Variants in MROH2B observed in about 807,000 individuals in gnomAD.
The protein encoded by MROH2B is maestro heat like repeat family member 2B.
In MROH2B, 177 loss-of-function variants were observed where a neutral mutation model predicts 208.6. The ratio of observed to expected loss-of-function variants is 0.85; its 90% confidence interval spans 0.75 to 0.96. MROH2B has a LOEUF of 0.96. Ranked by LOEUF, MROH2B falls within the 40% of genes least tolerant of loss-of-function variation. The probability of loss-of-function intolerance (pLI) is 0.00; values close to 1 mark genes in which losing one functional copy is unlikely to be tolerated. For synonymous variants in MROH2B, 728 were observed against 659.0 expected, an observed-to-expected ratio of 1.10 and a Z score of -1.60; for missense variants, 2,002 against 1,878.7, an observed-to-expected ratio of 1.07 and a Z score of -1.21.
intron 10 of MROH2B, among the ~76,000 whole-genome samples, chr5:41,055,278 CA>C (rs1356381802): frequency 3.3e-5 from 5 of 152,100 alleles, no homozygotes; most frequent in South Asian, 4.2e-4. Flanking sequence ...CATATTGCAC[CA>C]AAAAATAGTG....
intron 24 of MROH2B, among the ~76,000 whole-genome samples, chr5:41,026,817 A>G (rs778288799): frequency 3.0e-4 from 46 of 152,212 alleles, no homozygotes; most frequent in Non-Finnish European, 5.6e-4. Context: ...CCAAAACAGC[A>G]TGGTACTCAT....
intron 33 of MROH2B, 53 bp from the exon 34 acceptor site, chr5:41,007,507 CA>C: frequency 7.3e-7 from 1 of 1,376,114 alleles, no homozygotes; most frequent in Non-Finnish European, 9.5e-7. Flanking sequence ...TAGGGAATTG[CA>C]AATTCCCAAG....
At chr5:41,005,425 C>CCCCCCCT (rs58129703) in intron 35 of MROH2B, 106 bp downstream of exon 35, 46 of 216,678 alleles carry the variant, frequency 2.1e-4, no homozygotes, top group South Asian at 2.3e-4. Flanking sequence ...CCCCCCCCCC[C>CCCCCCCT]TTGAAGTCTC....
Position 41,033,122 on chromosome 5 carries a change from A to G in MROH2B, c.2280T>C (p.Thr760=), listed in dbSNP as rs772726012. Residue 760 remains threonine (T), a synonymous_variant, in exon 23 of 42, where the codon ACT becomes ACC. Coordinates refer to ENST00000399564, the MANE Select transcript of MROH2B (RefSeq NM_173489.5). ...CATCTTGGACAGCAATGCCAATCTC[A>G]GTGATGCTTCTTGTGAAACTCATTT... ...DLQMSFTRSI[T]EIGIAVQDAE... The G allele has an allele frequency of 1.3e-5, 21 of 1,612,946 alleles. No individual in the cohort carries two copies. Among genetic ancestry groups the G allele is most frequent in the Non-Finnish European group, 1.8e-5 (21 of 1,179,188 alleles).
intron 37 of MROH2B, among the ~76,000 whole-genome samples, chr5:41,002,023 A>T (rs1741413748): frequency 6.6e-6 from 1 of 152,180 alleles, no homozygotes; most frequent in African/African-American, 2.4e-5. Context: ...CTCAGATGTG[A>T]CTTTGTATAA....
chr5:41,004,295 T>C (rs1579899477), intron 37 of MROH2B, 51 bp downstream of exon 37: 1 of 1,581,234 alleles, frequency 6.3e-7, no homozygotes, highest in East Asian at 2.2e-5. Flanking sequence ...CCTAAACCTG[T>C]TTCTGTTCAC....
intron 18 of MROH2B, 73 bp downstream of exon 18, chr5:41,045,673 A>G: frequency 8.9e-7 from 1 of 1,118,060 alleles, no homozygotes; most frequent in Non-Finnish European, 1.4e-6. Context: ...TGTGATACAG[A>G]CAAGATGGAG....
At chr5:41,020,575 A>T (rs980883824) in intron 24 of MROH2B, among the ~76,000 whole-genome samples, 2 of 152,354 alleles carry the variant, frequency 1.3e-5, no homozygotes, top group East Asian at 1.9e-4. Context: ...TCACTGACTG[A>T]TATGACATAG....
Position 41,058,313 on chromosome 5 carries a change from A to G in MROH2B, c.616-110T>C, listed in dbSNP as rs1391458722. On this transcript the variant is annotated intron_variant, in intron 6 of 41. Transcript: ENST00000399564. ...CCTGAAAACTTTCCTCACTGCTTTC[A>G]GCCAAGAAATAATTCTTTAAATTCT... 2.8e-6 allele frequency: 3 copies of G among 1,084,622 alleles called. No homozygotes were observed. In the Admixed American group the frequency reaches 1.1e-4, roughly 41 times the overall value. 67.2% of individuals were successfully genotyped at this position (1,084,622 alleles called of 1,614,324 possible).
chr5:41,040,238 T>C (rs978921637), intron 19 of MROH2B, among the ~76,000 whole-genome samples: 13 of 152,216 alleles, frequency 8.5e-5, no homozygotes, highest in African/African-American at 2.9e-4. Flanking sequence ...GTTAAATTTC[T>C]GAAAGTTGGC....
At chr5:40,999,834 T>G in intron 39 of MROH2B, 55 bp from the exon 40 acceptor site, 1 of 1,528,196 alleles carries the variant, frequency 6.5e-7, no homozygotes, top group East Asian at 2.3e-5. Context: ...CTTTGTGACA[T>G]TTGGCATCCT....
At chr5:41,021,371 T>C (rs1249414538) in intron 24 of MROH2B, among the ~76,000 whole-genome samples, 1 of 152,206 alleles carries the variant, frequency 6.6e-6, no homozygotes, top group Non-Finnish European at 1.5e-5. Context: ...TCATTAAGAA[T>C]AGATGTACAG....
At chr5:41,004,228 T>C in intron 37 of MROH2B, 118 bp downstream of exon 37, 1 of 1,189,286 alleles carries the variant, frequency 8.4e-7, no homozygotes, top group Non-Finnish European at 1.2e-6. Context: ...AGGTGACCTG[T>C]CTGGGGCAGG....
intron 1 of MROH2B, among the ~76,000 whole-genome samples, chr5:41,070,220 G>C (rs1258750597): frequency 6.6e-6 from 1 of 152,032 alleles, no homozygotes; most frequent in Non-Finnish European, 1.5e-5. Context: ...TCCTGTGCCT[G>C]CCAACTCCCT....
chr5:41,006,881 G>A (rs2111817238), intron 34 of MROH2B, among the ~76,000 whole-genome samples: 1 of 152,236 alleles, frequency 6.6e-6, no homozygotes, highest in South Asian at 2.1e-4. Flanking sequence ...ATTGGGTGCA[G>A]TGTACACTCC....
chr5:41,049,227 G>A, intron 14 of MROH2B, 53 bp downstream of exon 14: 1 of 1,610,356 alleles, frequency 6.2e-7, no homozygotes, highest in Non-Finnish European at 8.5e-7. Flanking sequence ...AGCCTTCCTG[G>A]AAATGGATCC....
At position 40,998,043 on chromosome 5, in the gene MROH2B, C is replaced by G; in HGVS notation, c.*9G>C. The G allele has an allele frequency of 6.3e-7, 1 of 1,591,132 alleles. No individual in the cohort carries two copies. The highest frequency in any genetic ancestry group is 8.6e-7 in the Non-Finnish European group (1 of 1,162,198). On this transcript the variant is annotated 3_prime_UTR_variant, in exon 42 of 42. Transcript: ENST00000399564. ...TATAGGAAAAGCCAGCAGTTTATTT[C>G]TTGATGGCTTACAGAGGAATGCTTG...
intron 20 of MROH2B, 62 bp from the exon 21 acceptor site, chr5:41,038,950 T>C (rs965961485): frequency 1.3e-6 from 2 of 1,486,098 alleles, no homozygotes. Context: ...TTCTCTCATG[T>C]TTTTTTCCTA....
At position 41,038,865 on chromosome 5, in the gene MROH2B, G is replaced by A. The variant is rs766523465; in HGVS notation, c.2085C>T (p.Ser695=). The A allele has an allele frequency of 1.2e-6, 2 of 1,608,826 alleles. No homozygotes were observed. Among genetic ancestry groups the A allele is most frequent in the Admixed American group, 3.4e-5 (2 of 58,758 alleles). The change falls in exon 21 of 42, where the codon AGC becomes AGT. Residue 695 remains serine (S), a synonymous_variant. Coordinates refer to ENST00000399564, the MANE Select transcript of MROH2B (RefSeq NM_173489.5). ...RCKSLFSGKK[S]LTKTDVMVIY... ...TGACCATGACATCTGTCTTGGTCAG[G>A]CTCTTTTTCCCAGAAAAAAGGCTCT...
Sources: gnomAD v4.1 joint callset for allele counts (sites outside exome capture counted in the v4.1 genomes callset) on GRCh38, gnomAD v4.1.1 for gene constraint, MANE v1.5 for transcripts, NCBI Gene and HGNC (gene_info 2026-07-23, HGNC 2026-07-21) for gene names.